VWA5B1: variants seen among roughly 807,000 people sequenced by gnomAD.
VWA5B1 encodes the protein von Willebrand factor A domain containing 5B1.
In VWA5B1, 115 loss-of-function variants were observed where a neutral mutation model predicts 118.2. That is an observed-to-expected ratio of 0.97 (90% CI 0.84 to 1.14). The LOEUF is 1.14. Ranked by LOEUF, VWA5B1 falls within the 50% of genes most tolerant of loss-of-function variation. The pLI is 0.00. For synonymous variants in VWA5B1, 682 were observed against 658.4 expected (o/e 1.04, Z -0.55); for missense variants, 1,596 against 1,603.8 (o/e 1.00, Z 0.08).
intron 16 of VWA5B1, among the ~76,000 whole-genome samples, chr1:20,344,593 G>A (rs1233440840): frequency 1.3e-5 from 2 of 152,150 alleles, no homozygotes; most frequent in Non-Finnish European, 2.9e-5. Context: ...TAACAGGGAC[G>A]GTGGGGGAGC....
chr1:20,330,524 G>C (rs935175666), intron 10 of VWA5B1, 142 bp downstream of exon 10: 1 of 1,083,950 alleles, frequency 9.2e-7, no homozygotes, highest in African/African-American at 1.6e-5. Context: ...AAGATAGTGT[G>C]GGCTGATTTC....
At chr1:20,343,502 C>A in intron 16 of VWA5B1, 109 bp downstream of exon 16, 2 of 1,425,348 alleles carry the variant, frequency 1.4e-6, no homozygotes, top group South Asian at 3.0e-5. Context: ...CTCAGCCCCG[C>A]GTGGTCCGCC....
At position 20,323,401 on chromosome 1, in the gene VWA5B1, T is replaced by G. The variant is rs1557848059; in HGVS notation, c.1012T>G (p.Ser338Ala). The G allele has an allele frequency of 1.3e-6, 2 of 1,527,288 alleles. No individual in the cohort carries two copies. The highest frequency in any genetic ancestry group is 4.3e-5 in the Admixed American group (2 of 46,870). The allele number at this position is 1,527,288 out of a possible 1,614,324, so 94.6% of individuals were successfully genotyped here. A position where few individuals can be genotyped will look rare whatever the true frequency, so the allele number is the denominator to read the frequency against. Reference protein sequence around the residue: ...KRLHKDIPHHSVIMLNFCPDL... With the variant: ...KRLHKDIPHHAVIMLNFCPDL... ...CCTCCACAAAGACATTCCCCACCAC[T>G]CCGTCATCATGCTCAACTTCTGTCC... is the stretch of plus-strand genomic sequence containing the variant. The change falls in exon 8 of 22, where the codon TCC (serine) becomes GCC (alanine). Residue 338 changes from serine (S) to alanine (A), a missense_variant. Coordinates refer to ENST00000289815, the MANE Select transcript of VWA5B1 (RefSeq NM_001039500.3).
At chr1:20,320,842 C>T (rs2089187566) in intron 7 of VWA5B1, among the ~76,000 whole-genome samples, 1 of 152,198 alleles carries the variant, frequency 6.6e-6, no homozygotes, top group South Asian at 2.1e-4. Context: ...TGGCTTCTCT[C>T]ACTGGCAGAT....
At position 20,330,223 on chromosome 1, in the gene VWA5B1, C is replaced by A. The variant is rs763672629; in HGVS notation, c.1298C>A (p.Ala433Asp). 8.4e-6 allele frequency: 13 copies of A among 1,551,610 alleles called. No individual in the cohort carries two copies. In the South Asian group the frequency reaches 1.4e-4, roughly 17 times the overall value. ...TGTGATGACATCCAGAGAATGAAGGCCGACATGGGTGGGACCAACATCCTT... is the reference window on the plus strand; with the variant it reads ...TGTGATGACATCCAGAGAATGAAGGACGACATGGGTGGGACCAACATCCTT... Reference protein sequence around the residue: ...MACDDIQRMKADMGGTNILSP... With the variant: ...MACDDIQRMKDDMGGTNILSP... The change falls in exon 10 of 22, where the codon GCC becomes GAC. Residue 433 changes from alanine (A) to aspartate (D), a missense_variant. Coordinates refer to ENST00000289815, the MANE Select transcript of VWA5B1 (RefSeq NM_001039500.3).
intron 2 of VWA5B1, among the ~76,000 whole-genome samples, chr1:20,312,492 G>A (rs1373466014): frequency 6.6e-6 from 1 of 152,182 alleles, no homozygotes; most frequent in African/African-American, 2.4e-5. Flanking sequence ...TGCCACAGGT[G>A]GCAAACCTGT....
Position 20,327,644 on chromosome 1 carries a change from C to T in VWA5B1, c.1144-246C>T, listed in dbSNP as rs569270725. Among the ~76,000 whole-genome samples, 859 of 151,036 alleles carry T rather than the reference C, an allele frequency of 5.7e-3. 7 individuals are homozygous for T. Among genetic ancestry groups the T allele is most frequent in the African/African-American group, 0.018 (738 of 41,044 alleles). On this transcript the variant is annotated intron_variant, in intron 8 of 21. Transcript: ENST00000289815. ...TGGATAAGTTTGATGATGATGACGA[C>T]GACGACGATGATGATGATGATGGTG...
intron 16 of VWA5B1, 133 bp from the exon 17 acceptor site, chr1:20,345,323 C>T: frequency 8.3e-7 from 1 of 1,198,646 alleles, no homozygotes; most frequent in Non-Finnish European, 1.2e-6. Flanking sequence ...TTGGCAAGCC[C>T]TTGATTTTAA....
chr1:20,331,444 CAG>C, intron 11 of VWA5B1, among the ~76,000 whole-genome samples: 2 of 152,264 alleles, frequency 1.3e-5, no homozygotes, highest in African/African-American at 4.8e-5. Context: ...TAAACAAAGA[CAG>C]GGCTGGGATT....
chr1:20,350,747 AC>A lies in VWA5B1; in HGVS notation c.2954-109del, dbSNP rs1489937655. 2.6e-5 allele frequency: 26 copies of A among 982,022 alleles called. No individual in the cohort carries two copies. The African/African-American group carries it at 4.2e-4, about 16-fold the overall frequency. 60.8% of individuals were successfully genotyped at this position (982,022 alleles called of 1,614,324 possible). A position where few individuals can be genotyped will look rare whatever the true frequency, so the allele number is the denominator to read the frequency against. ...TAATGGTTAGCTCGAGTCCCTAGGA[AC>A]TTAGCTAAGCACCTGCCCCTCTCTA... On this transcript the variant is annotated intron_variant, in intron 19 of 21. Coordinates refer to ENST00000289815, the MANE Select transcript of VWA5B1 (RefSeq NM_001039500.3).
chr1:20,353,740 G>T lies in VWA5B1; in HGVS notation c.3142-17G>T. On this transcript the variant is annotated splice_polypyrimidine_tract_variant and intron_variant, in intron 21 of 21. Coordinates refer to ENST00000289815, the MANE Select transcript of VWA5B1 (RefSeq NM_001039500.3). ...TAAAACATTTGAGGCCCACTGAAGG[G>T]CTTCCCCCACACACAGGTGTCTCTG... 6.9e-7 allele frequency: 1 copy of T among 1,450,550 alleles called. No homozygotes were observed. The highest frequency in any genetic ancestry group is 9.1e-7 in the Non-Finnish European group (1 of 1,098,792). The allele number at this position is 1,450,550 out of a possible 1,614,324, so 89.9% of individuals were successfully genotyped here. A position where few individuals can be genotyped will look rare whatever the true frequency, so the allele number is the denominator to read the frequency against.
rs1242719881 is a variant in VWA5B1 at position 20,353,757 on chromosome 1, G to C, written c.3142G>C (p.Val1048Leu). The C allele has an allele frequency of 1.3e-5, 19 of 1,455,540 alleles. No homozygotes were observed. Among genetic ancestry groups the C allele is most frequent in the Non-Finnish European group, 1.6e-5 (18 of 1,101,370 alleles). The allele number at this position is 1,455,540 out of a possible 1,614,324, so 90.2% of individuals were successfully genotyped here. Reference protein sequence around the residue: ...GNQSFDYIPLVSLQLASGAFL... With the variant: ...GNQSFDYIPLLSLQLASGAFL... ...ACTGAAGGGCTTCCCCCACACACAG[G>C]TGTCTCTGCAGCTGGCCTCCGGAGC... The change falls in exon 22 of 22, where the codon GTG becomes CTG. Residue 1048 changes from valine (V) to leucine (L), a missense_variant and splice_region_variant. Physicochemically the swap from Val to Leu is conservative, Grantham distance 32. Transcript: ENST00000289815.
At chr1:20,316,929 G>A (rs2089027860) in intron 4 of VWA5B1, among the ~76,000 whole-genome samples, 1 of 151,972 alleles carries the variant, frequency 6.6e-6, no homozygotes, top group Non-Finnish European at 1.5e-5. Context: ...AGGCCGAGAC[G>A]GGCGGATCAC....
Position 20,318,736 on chromosome 1 carries a change from A to G in VWA5B1, c.841+15A>G, listed in dbSNP as rs1459316482. Reference sequence around the variant, plus strand: ...CCACCCCAGCGGTACGGTGCCCCACAACGGGCCCCTGGGCTGCCTGTGGGA... The same window carrying G: ...CCACCCCAGCGGTACGGTGCCCCACGACGGGCCCCTGGGCTGCCTGTGGGA... On this transcript the variant is annotated intron_variant, in intron 6 of 21. Coordinates refer to ENST00000289815, the MANE Select transcript of VWA5B1 (RefSeq NM_001039500.3). 1.4e-6 allele frequency: 2 copies of G among 1,469,632 alleles called. No individual in the cohort carries two copies. Among genetic ancestry groups the G allele is most frequent in the Non-Finnish European group, 1.8e-6 (2 of 1,103,172 alleles). 91.0% of individuals were successfully genotyped at this position (1,469,632 alleles called of 1,614,324 possible). A position where few individuals can be genotyped will look rare whatever the true frequency, so the allele number is the denominator to read the frequency against.
chr1:20,316,518 C>T (rs538838065), intron 4 of VWA5B1, among the ~76,000 whole-genome samples: 1 of 152,230 alleles, frequency 6.6e-6, no homozygotes, highest in East Asian at 1.9e-4. Context: ...CACAATCACA[C>T]CCAAATGCTG....
intron 13 of VWA5B1, among the ~76,000 whole-genome samples, chr1:20,336,911 A>T (rs1490660117): frequency 1.3e-5 from 2 of 152,104 alleles, no homozygotes; most frequent in East Asian, 3.9e-4. Flanking sequence ...ACCCCTAGAA[A>T]ATTTAACAAA....
In VWA5B1 at chr1:20,342,419, C is replaced by T. The variant is rs904768007; in HGVS notation, c.2134-13C>T. The stretch of plus-strand genomic sequence containing the variant: ...TCCTCCTCCTCTTTCTCTTTCTCCT[C>T]TTCCATCCCTAGCCCTTGCTGAACA... On this transcript the variant is annotated splice_polypyrimidine_tract_variant and intron_variant, in intron 14 of 21. Transcript: ENST00000289815. 6 of 1,549,374 alleles carry T rather than the reference C, an allele frequency of 3.9e-6. No homozygotes were observed. The African/African-American group carries it at 5.5e-5, about 14-fold the overall frequency.
At position 20,340,372 on chromosome 1, in the gene VWA5B1, G is replaced by A. The variant is rs1394073875; in HGVS notation, c.2134-2060G>A. Among the ~76,000 whole-genome samples the A allele has an allele frequency of 2.6e-5, 4 of 152,258 alleles. No individual in the cohort carries two copies. In the East Asian group the frequency reaches 7.7e-4, roughly 29 times the overall value. ...TGATTGGGCAAGGAGCAGAGGGTAG[G>A]GATCCCCTGGGACTTAGCAGCCCTG... On this transcript the variant is annotated intron_variant, in intron 14 of 21. Transcript: ENST00000289815.
At chr1:20,345,368 G>T (rs1349928820) in intron 16 of VWA5B1, 88 bp from the exon 17 acceptor site, 1 of 1,527,362 alleles carries the variant, frequency 6.5e-7, no homozygotes, top group East Asian at 2.5e-5. Context: ...GGACCACTTA[G>T]GTAGAGCCCC....
Sources: allele counts gnomAD v4.1 joint callset (sites outside exome capture counted in the v4.1 genomes callset), GRCh38; gene constraint gnomAD v4.1.1; transcripts MANE v1.5; gene names NCBI Gene and HGNC (gene_info 2026-07-23, HGNC 2026-07-21).